The following BICC1 variants were observed in gnomAD, a reference collection of about 807,000 sequenced individuals.
BICC1 encodes protein bicaudal C homolog 1.
Under a neutral mutation model 111.0 loss-of-function variants are expected in BICC1, and 43 were observed. The observed-to-expected ratio is 0.39, with a 90% CI of 0.30 to 0.50. BICC1 has a LOEUF of 0.50. Ranked by LOEUF, BICC1 falls within the 20% of genes least tolerant of loss-of-function variation. BICC1 has a pLI of 0.88. For synonymous variants in BICC1, 467 were observed against 434.4 expected (o/e 1.07, Z -0.93); for missense variants, 1,091 against 1,203.2 (o/e 0.91, Z 1.38).
intron 3 of BICC1, among the ~76,000 whole-genome samples, chr10:58,754,958 T>C (rs1842101806): frequency 6.6e-6 from 1 of 152,200 alleles, no homozygotes; most frequent in African/African-American, 2.4e-5. Flanking sequence ...CTGGGGTTTA[T>C]TGTTGCTAAT....
chr10:58,648,158 G>A (rs1838326659), intron 2 of BICC1, among the ~76,000 whole-genome samples: 1 of 152,224 alleles, frequency 6.6e-6, no homozygotes, highest in Non-Finnish European at 1.5e-5. Context: ...ATAAGTAAGG[G>A]CAGTGTCTGC....
intron 1 of BICC1, among the ~76,000 whole-genome samples, chr10:58,598,428 ATGT>A (rs1345159664): frequency 6.6e-6 from 1 of 152,136 alleles, no homozygotes; most frequent in Non-Finnish European, 1.5e-5. Context: ...TATTTAATAA[ATGT>A]TGTTGGGAAA....
At chr10:58,664,866 T>C (rs1472419601) in intron 2 of BICC1, among the ~76,000 whole-genome samples, 8 of 152,188 alleles carry the variant, frequency 5.3e-5, no homozygotes, top group Non-Finnish European at 1.0e-4. Context: ...TTGTCAGCAG[T>C]TGAGCTGGGT....
At chr10:58,512,448 G>A (rs7073798), upstream of BICC1, among the ~76,000 whole-genome samples, 148,168 of 152,330 alleles carry the variant, frequency 0.97, 72,077 homozygotes, top group East Asian at 1. Context: ...TTGTGTATGC[G>A]CTTAGTGTGC....
At chr10:58,821,043 G>T (rs1458345577) in intron 20 of BICC1, among the ~76,000 whole-genome samples, 1 of 152,036 alleles carries the variant, frequency 6.6e-6, no homozygotes, top group African/African-American at 2.4e-5. Context: ...CACTTTCTTT[G>T]TGCATCTGTT....
At chr10:58,538,232 G>C (rs1208758255) in intron 1 of BICC1, among the ~76,000 whole-genome samples, 2 of 151,624 alleles carry the variant, frequency 1.3e-5, no homozygotes, top group African/African-American at 4.8e-5. Flanking sequence ...ATACACTACA[G>C]GGCTATAGTT....
intron 1 of BICC1, among the ~76,000 whole-genome samples, chr10:58,592,936 G>A (rs562467719): frequency 4.6e-5 from 7 of 151,066 alleles, no homozygotes; most frequent in South Asian, 4.2e-4. Context: ...GTTCGGGCTC[G>A]GTGGGTCTTA....
chr10:58,654,585 C>CTT (rs986847640), intron 2 of BICC1, among the ~76,000 whole-genome samples: 8 of 85,122 alleles, frequency 9.4e-5, no homozygotes, highest in African/African-American at 3.3e-4. Context: ...GATATTAGCC[C>CTT]TTTGTCAGAT....
intron 1 of BICC1, among the ~76,000 whole-genome samples, chr10:58,570,882 G>T (rs1299204964): frequency 6.6e-6 from 1 of 152,186 alleles, no homozygotes; most frequent in African/African-American, 2.4e-5. Flanking sequence ...AGTTTAGGGT[G>T]AATGTTTTGA....
intron 1 of BICC1, among the ~76,000 whole-genome samples, chr10:58,567,763 A>G (rs1240195970): frequency 6.6e-6 from 1 of 152,048 alleles, no homozygotes; most frequent in Non-Finnish European, 1.5e-5. Context: ...TATAGCATTT[A>G]TAAAGTTCCT....
intron 1 of BICC1, among the ~76,000 whole-genome samples, chr10:58,573,556 G>A (rs888777888): frequency 1.3e-5 from 2 of 152,120 alleles, no homozygotes; most frequent in Admixed American, 6.6e-5. Flanking sequence ...TAGATGGCAA[G>A]GTAAGGGCTG....
chr10:58,824,940 C>T (rs961747606), intron 20 of BICC1, among the ~76,000 whole-genome samples: 3 of 152,120 alleles, frequency 2.0e-5, no homozygotes, highest in Non-Finnish European at 2.9e-5. Context: ...CATAAAACAA[C>T]GTAATCTGTT....
intron 3 of BICC1, among the ~76,000 whole-genome samples, chr10:58,747,107 T>C (rs996917899): frequency 5.9e-5 from 9 of 152,298 alleles, no homozygotes; most frequent in Middle Eastern, 3.4e-3. Context: ...ATGGCTGTTA[T>C]TACAAAGGAA....
chr10:58,804,258 A>G (rs1469829692), intron 15 of BICC1, among the ~76,000 whole-genome samples: 6 of 152,128 alleles, frequency 3.9e-5, no homozygotes, highest in Non-Finnish European at 8.8e-5. Context: ...GCTCACACCT[A>G]TATTCTCAGC....
At chr10:58,551,574 A>G (rs1843296149) in intron 1 of BICC1, among the ~76,000 whole-genome samples, 1 of 152,190 alleles carries the variant, frequency 6.6e-6, no homozygotes, top group African/African-American at 2.4e-5. Context: ...CACAATGTGT[A>G]CAGATCTCTT....
intron 1 of BICC1, among the ~76,000 whole-genome samples, chr10:58,593,587 A>G (rs1208196445): frequency 6.6e-6 from 1 of 152,044 alleles, no homozygotes; most frequent in Non-Finnish European, 1.5e-5. Flanking sequence ...CCCTGGTAAT[A>G]CCCAGGCAAA....
At chr10:58,808,289 CAGAG>C (rs1327558481) in intron 17 of BICC1, among the ~76,000 whole-genome samples, 1 of 152,070 alleles carries the variant, frequency 6.6e-6, no homozygotes, top group Non-Finnish European at 1.5e-5. Flanking sequence ...CATTATAACA[CAGAG>C]AGAAAATAAA....
rs1322478151 is a variant in BICC1 at position 58,752,780 on chromosome 10, C to T, written c.308-32221C>T. Among the ~76,000 whole-genome samples, 7 of 152,142 alleles carry T rather than the reference C, an allele frequency of 4.6e-5. No homozygotes were observed. In the South Asian group the frequency reaches 8.3e-4, roughly 18 times the overall value. ...ATTTACTTTACCATGCACTTTCATT[C>T]GTGGCTGCAAAGAACAGAAAACCCA... On this transcript the variant is annotated intron_variant, in intron 3 of 20. Transcript: ENST00000373886.
At chr10:58,796,569 A>G (rs1205709772) in intron 10 of BICC1, 43 bp downstream of exon 10, 2 of 1,542,232 alleles carry the variant, frequency 1.3e-6, no homozygotes, top group Non-Finnish European at 1.8e-6. Context: ...CACTGGGGAA[A>G]TGCTTGTCTG....
Sources: gnomAD v4.1 joint callset for allele counts (sites outside exome capture counted in the v4.1 genomes callset) on GRCh38, gnomAD v4.1.1 for gene constraint, MANE v1.5 for transcripts, NCBI Gene and HGNC (gene_info 2026-07-23, HGNC 2026-07-21) for gene names.